PTK2: variants seen among roughly 807,000 people sequenced by gnomAD.
PTK2 encodes protein tyrosine kinase 2, also known as focal adhesion kinase 1.
PTK2 carries 45 observed loss-of-function variants against 150.1 expected under a neutral mutation model. The ratio of observed to expected loss-of-function variants is 0.30; its 90% CI spans 0.24 to 0.38. The LOEUF (loss-of-function observed/expected upper bound fraction) is 0.38, where lower values mean the gene tolerates loss of function less well. PTK2 is among the 10% of genes least tolerant of loss of function. PTK2 has a pLI of 1.00. For synonymous variants in PTK2, 432 were observed against 449.2 expected (o/e 0.96, Z 0.48); for missense variants, 919 against 1,307.3 (o/e 0.70, Z 4.58).
intron 5 of PTK2, among the ~76,000 whole-genome samples, chr8:140,856,923 T>C (rs1036525842): frequency 3.3e-5 from 5 of 152,304 alleles, no homozygotes; most frequent in South Asian, 2.1e-4. Flanking sequence ...AAAACAGTTA[T>C]GTGATAAAGG....
intron 29 of PTK2, chr8:140,672,047 A>G (rs1459325774): frequency 1.8e-5 from 7 of 394,074 alleles, no homozygotes; most frequent in Admixed American, 6.4e-5. Flanking sequence ...ATGTTATTCC[A>G]GCTGTGAAAG....
intron 4 of PTK2, among the ~76,000 whole-genome samples, chr8:140,875,055 G>C (rs1226104915): frequency 1.3e-5 from 2 of 152,162 alleles, no homozygotes; most frequent in African/African-American, 4.8e-5. Context: ...ATGAGCTGAT[G>C]AAAAATCACA....
At chr8:140,904,154 T>C (rs2100159918) in intron 2 of PTK2, among the ~76,000 whole-genome samples, 2 of 152,200 alleles carry the variant, frequency 1.3e-5, no homozygotes, top group Non-Finnish European at 2.9e-5. Flanking sequence ...AAATAGCTCT[T>C]ATTATTTTGA....
At chr8:140,828,186 G>A (rs1412993717) in intron 8 of PTK2, among the ~76,000 whole-genome samples, 5 of 151,454 alleles carry the variant, frequency 3.3e-5, no homozygotes, top group Non-Finnish European at 1.5e-5. Context: ...AAAAAAAAGA[G>A]AAAGTAGAAT....
At chr8:140,991,229 T>G (rs1017962473) in intron 1 of PTK2, among the ~76,000 whole-genome samples, 5 of 152,170 alleles carry the variant, frequency 3.3e-5, no homozygotes, top group African/African-American at 1.2e-4. Context: ...ACAGCTTCAT[T>G]AGTTACCCCA....
intron 7 of PTK2, among the ~76,000 whole-genome samples, chr8:140,844,930 G>A (rs1234016440): frequency 6.6e-6 from 1 of 152,056 alleles, no homozygotes; most frequent in African/African-American, 2.4e-5. Context: ...CTCCTTTTCT[G>A]TGACTGGTAT....
intron 5 of PTK2, among the ~76,000 whole-genome samples, chr8:140,860,219 C>G (rs1288432254): frequency 6.6e-6 from 1 of 152,158 alleles, no homozygotes; most frequent in African/African-American, 2.4e-5. Flanking sequence ...TGCAACGCCT[C>G]TAATTTCTTT....
At chr8:140,912,180 A>G (rs1334247764) in intron 2 of PTK2, among the ~76,000 whole-genome samples, 1 of 151,360 alleles carries the variant, frequency 6.6e-6, no homozygotes, top group Non-Finnish European at 1.5e-5. Context: ...GACTTCAAGG[A>G]TACAGTGAGC....
rs372487172 is a variant in PTK2 at position 140,815,453 on chromosome 8, A to G, written c.867+2824T>C. Among the ~76,000 whole-genome samples the G allele has an allele frequency of 2.7e-4, 41 of 152,288 alleles. 1 individual carries two copies. Among genetic ancestry groups the G allele is most frequent in the African/African-American group, 9.4e-4 (39 of 41,560 alleles). On this transcript the variant is annotated intron_variant, in intron 10 of 31. Transcript: ENST00000522684. ...AAGTGGGGAGGGGATTGGGAAAAAT[A>G]ACTAATCAGTACTAGGATTAATACC...
intron 14 of PTK2, among the ~76,000 whole-genome samples, chr8:140,768,071 T>C (rs2100073429): frequency 1.3e-5 from 2 of 152,204 alleles, no homozygotes; most frequent in South Asian, 4.1e-4. Context: ...CTATATTTAA[T>C]AATGACATTG....
chr8:140,916,697 A>G (rs2100165398), intron 2 of PTK2, among the ~76,000 whole-genome samples: 1 of 152,222 alleles, frequency 6.6e-6, no homozygotes, highest in South Asian at 2.1e-4. Flanking sequence ...TGGTACATAT[A>G]TCAAAATGCA....
chr8:140,890,012 C>T (rs1283289560), intron 3 of PTK2, among the ~76,000 whole-genome samples: 5 of 152,192 alleles, frequency 3.3e-5, no homozygotes, highest in Admixed American at 1.3e-4. Flanking sequence ...CTACACTGTA[C>T]TATAATCACA....
intron 26 of PTK2, chr8:140,687,038 G>A (rs2153724443): frequency 1.1e-5 from 3 of 263,894 alleles, no homozygotes; most frequent in Admixed American, 5.2e-5. Context: ...CATTACTTGC[G>A]GCTTTCTGAC....
chr8:140,814,978 G>A (rs1295957205), intron 10 of PTK2, among the ~76,000 whole-genome samples: 1 of 152,070 alleles, frequency 6.6e-6, no homozygotes, highest in African/African-American at 2.4e-5. Context: ...GTTTCACCGT[G>A]TTAGCCAGGA....
At chr8:140,842,241 GTAT>G (rs1229086782) in intron 7 of PTK2, among the ~76,000 whole-genome samples, 2 of 151,956 alleles carry the variant, frequency 1.3e-5, no homozygotes, top group Non-Finnish European at 2.9e-5. Flanking sequence ...TAACTAGAAT[GTAT>G]TATTACCTTT....
exon 20 of PTK2, chr8:140,743,290 A>G: frequency 6.2e-7 from 1 of 1,613,636 alleles, no homozygotes; most frequent in Non-Finnish European, 8.5e-7. Flanking sequence ...AATTTTACAC[A>G]ATCATTTGAG....
In PTK2 at chr8:140,761,155, A is replaced by C. The variant is rs1170394370; in HGVS notation, c.1332+10T>G. 3.8e-6 allele frequency: 6 copies of C among 1,576,024 alleles called. No homozygotes were observed. Among genetic ancestry groups the C allele is most frequent in the Non-Finnish European group, 5.2e-6 (6 of 1,146,684 alleles). ...TTAGTCTAGTTGTTTGGTAGTCTTA[A>C]AAGACTTACTGGACTCATATAAATG... On this transcript the variant is annotated intron_variant, in intron 16 of 31. Coordinates refer to ENST00000522684, the Ensembl canonical transcript of PTK2.
chr8:140,766,135 C>A (rs2100072133), intron 14 of PTK2, among the ~76,000 whole-genome samples: 1 of 152,196 alleles, frequency 6.6e-6, no homozygotes. Flanking sequence ...GCCCTGTTAT[C>A]CAAACTGCTG....
chr8:140,970,691 T>A (rs1161927920), intron 1 of PTK2, among the ~76,000 whole-genome samples: 1 of 152,198 alleles, frequency 6.6e-6, no homozygotes, highest in Non-Finnish European at 1.5e-5. Context: ...GCTTCTAACC[T>A]TGCTGCTCTG....
Sources: gnomAD v4.1 joint callset for allele counts (sites outside exome capture counted in the v4.1 genomes callset) on GRCh38, gnomAD v4.1.1 for gene constraint, MANE v1.5 for transcripts, NCBI Gene and HGNC (gene_info 2026-07-23, HGNC 2026-07-21) for gene names.